Variants in SLC24A3 observed in about 807,000 individuals in gnomAD.
The protein encoded by SLC24A3 is solute carrier family 24 member 3.
A neutral mutation model predicts 75.8 loss-of-function variants in SLC24A3; 28 were observed. The observed-to-expected ratio is 0.37, with a 90% confidence interval of 0.27 to 0.51. SLC24A3 has a LOEUF of 0.51. Among genes scored for constraint, SLC24A3 ranks in the 20% least tolerant of loss-of-function variants. The pLI is 0.94. For missense variants in SLC24A3, 663 were observed against 847.8 expected, an observed-to-expected ratio of 0.78 and a Z score of 2.71; for synonymous variants, 372 against 334.1, an observed-to-expected ratio of 1.11 and a Z score of -1.24.
At chr20:19,353,824 G>C (rs1985624810) in intron 2 of SLC24A3, among the ~76,000 whole-genome samples, 1 of 152,188 alleles carries the variant, frequency 6.6e-6, no homozygotes, top group African/African-American at 2.4e-5. Context: ...ACAATACCAA[G>C]TCTTGTCAAG....
At chr20:19,265,079 G>T (rs6081555) in intron 1 of SLC24A3, among the ~76,000 whole-genome samples, 47,926 of 151,976 alleles carry the variant, frequency 0.32, 7,768 homozygotes, top group Middle Eastern at 0.45. Context: ...ACCTTTCAAC[G>T]TTGCAAACAC....
intron 2 of SLC24A3, among the ~76,000 whole-genome samples, chr20:19,471,625 G>A (rs935276198): frequency 6.6e-6 from 1 of 151,234 alleles, no homozygotes; most frequent in Non-Finnish European, 1.5e-5. Context: ...TAACATCCCT[G>A]CATGTTTCTA....
intron 2 of SLC24A3, among the ~76,000 whole-genome samples, chr20:19,435,519 A>G (rs1987183215): frequency 6.6e-6 from 1 of 152,242 alleles, no homozygotes; most frequent in African/African-American, 2.4e-5. Context: ...AGAATGATCT[A>G]CTTGGCTAGA....
At chr20:19,272,199 C>T (rs1983350575) in intron 1 of SLC24A3, among the ~76,000 whole-genome samples, 1 of 152,216 alleles carries the variant, frequency 6.6e-6, no homozygotes, top group South Asian at 2.1e-4. Flanking sequence ...GGCTCTGCAG[C>T]CTCCCTTTGC....
chr20:19,363,498 A>T (rs951575433), intron 2 of SLC24A3, among the ~76,000 whole-genome samples: 1 of 152,212 alleles, frequency 6.6e-6, no homozygotes, highest in Non-Finnish European at 1.5e-5. Flanking sequence ...TTGGAAAATC[A>T]TGTCAGCTGT....
chr20:19,707,986 A>G (rs2032947987), intron 15 of SLC24A3, among the ~76,000 whole-genome samples: 1 of 127,790 alleles, frequency 7.8e-6, no homozygotes, highest in Non-Finnish European at 1.8e-5. Flanking sequence ...GTGTAGATAG[A>G]GGAGAGGGCC....
rs111631451 is a variant in SLC24A3 at position 19,559,831 on chromosome 20, A to T, written c.349-20169A>T. On this transcript the variant is annotated intron_variant, in intron 3 of 16. Coordinates refer to ENST00000328041, the MANE Select transcript of SLC24A3 (RefSeq NM_020689.4). Reference sequence around the variant, plus strand: ...ACTTGCTACTCACACTCATAGTTTCAGTGCTCCCAAAAGCAAACCCTAGAT... The same window carrying T: ...ACTTGCTACTCACACTCATAGTTTCTGTGCTCCCAAAAGCAAACCCTAGAT... 4.7e-4 allele frequency among the ~76,000 whole-genome samples: 72 copies of T among 152,244 alleles called. No homozygotes were observed. The Middle Eastern group carries it at 0.01, about 22-fold the overall frequency.
intron 3 of SLC24A3, among the ~76,000 whole-genome samples, chr20:19,520,790 G>C (rs1203258007): frequency 6.6e-6 from 1 of 152,112 alleles, no homozygotes; most frequent in East Asian, 1.9e-4. Flanking sequence ...AATTTTATCT[G>C]GTCTGGGAAT....
intron 7 of SLC24A3, among the ~76,000 whole-genome samples, chr20:19,664,125 G>T (rs1209903254): frequency 3.3e-5 from 5 of 152,160 alleles, no homozygotes; most frequent in Admixed American, 6.5e-5. Context: ...CAAATTGATT[G>T]TTCCAGCCTG....
intron 2 of SLC24A3, among the ~76,000 whole-genome samples, chr20:19,308,001 G>A (rs1354688263): frequency 6.6e-6 from 1 of 152,104 alleles, no homozygotes; most frequent in Non-Finnish European, 1.5e-5. Flanking sequence ...AAAGTGAAAT[G>A]TTATCTTTAT....
chr20:19,717,483 G>A, intron 15 of SLC24A3, 45 bp from the exon 16 acceptor site: 1 of 1,606,218 alleles, frequency 6.2e-7, no homozygotes, highest in Non-Finnish European at 8.5e-7. Flanking sequence ...ACTCTGCTTT[G>A]GAAGCCTAGC....
At chr20:19,471,239 C>G (rs1325825786) in intron 2 of SLC24A3, among the ~76,000 whole-genome samples, 3 of 152,174 alleles carry the variant, frequency 2.0e-5, no homozygotes, top group Non-Finnish European at 2.9e-5. Flanking sequence ...CTGTGCACCT[C>G]TCGTCCATGA....
At chr20:19,454,459 G>A (rs1311335699) in intron 2 of SLC24A3, among the ~76,000 whole-genome samples, 1 of 152,158 alleles carries the variant, frequency 6.6e-6, no homozygotes, top group Admixed American at 6.5e-5. Flanking sequence ...GCCAGACTGT[G>A]CTATGGATGG....
chr20:19,535,624 G>A (rs957694551), intron 3 of SLC24A3, among the ~76,000 whole-genome samples: 1 of 152,124 alleles, frequency 6.6e-6, no homozygotes, highest in East Asian at 1.9e-4. Flanking sequence ...GAGAAATAGG[G>A]GCTTCCACAT....
At chr20:19,262,747 A>T (rs1983033550) in intron 1 of SLC24A3, among the ~76,000 whole-genome samples, 1 of 152,114 alleles carries the variant, frequency 6.6e-6, no homozygotes, top group South Asian at 2.1e-4. Context: ...TATGATGGGG[A>T]CATTTACTAA....
intron 2 of SLC24A3, among the ~76,000 whole-genome samples, chr20:19,318,237 C>T (rs59315604): frequency 2.0e-5 from 3 of 152,228 alleles, no homozygotes; most frequent in African/African-American, 7.2e-5. Context: ...GGCAGCCTTT[C>T]CCCCTCTCTC....
intron 1 of SLC24A3, among the ~76,000 whole-genome samples, chr20:19,246,506 T>A (rs1982488717): frequency 1.3e-5 from 2 of 152,078 alleles, no homozygotes; most frequent in Admixed American, 1.3e-4. Context: ...ATAAAGTGAC[T>A]CTTACCGACA....
intron 2 of SLC24A3, among the ~76,000 whole-genome samples, chr20:19,340,218 C>T (rs1000037094): frequency 1.3e-5 from 2 of 152,122 alleles, no homozygotes; most frequent in Non-Finnish European, 2.9e-5. Context: ...TGCCAGGTGT[C>T]CTGATAAAAA....
In SLC24A3 at chr20:19,601,472, C is replaced by A. The variant is rs142130619; in HGVS notation, c.612+15928C>A. ...AACGCACCCACAACCTATGTATCTG[C>A]GTCATCCCTCCTCCACTCATGGAGA... On this transcript the variant is annotated intron_variant, in intron 6 of 16. Transcript: ENST00000328041. Among the ~76,000 whole-genome samples, 78 of 152,318 alleles carry A rather than the reference C, an allele frequency of 5.1e-4. No individual in the cohort carries two copies. The East Asian group carries it at 7.3e-3, about 14-fold the overall frequency.
Sources: gnomAD v4.1 joint callset for allele counts (sites outside exome capture counted in the v4.1 genomes callset) on GRCh38, gnomAD v4.1.1 for gene constraint, MANE v1.5 for transcripts, NCBI Gene and HGNC (gene_info 2026-07-23, HGNC 2026-07-21) for gene names.